Variants in CAT observed in about 807,000 individuals in gnomAD.
The protein encoded by CAT is catalase.
A neutral mutation model predicts 59.0 loss-of-function variants in CAT; 43 were observed. That is an observed-to-expected ratio of 0.73 (90% CI 0.57 to 0.94). CAT has a LOEUF of 0.94. Ranked by LOEUF, CAT falls within the 40% of genes least tolerant of loss-of-function variation. CAT has a pLI of 0.00. For synonymous variants in CAT, 218 were observed against 230.9 expected (o/e 0.94, Z 0.51); for missense variants, 664 against 682.9 (o/e 0.97, Z 0.31).
chr11:34,456,820 G>A lies in CAT; in HGVS notation c.1056+3G>A, dbSNP rs762979529. 12 of 1,614,132 alleles carry A rather than the reference G, an allele frequency of 7.4e-6. No homozygotes were observed. The African/African-American group carries it at 1.3e-4, about 18-fold the overall frequency. On this transcript the variant is annotated splice_donor_region_variant and intron_variant, in intron 8 of 12. Coordinates refer to ENST00000241052, the MANE Select transcript of CAT (RefSeq NM_001752.4). Reference sequence around the variant, plus strand: ...CCAGTCCTGACAAAATGCTTCAGGTGAGCCTGGTGGATTGAGATGTTCTGA... The same window carrying A: ...CCAGTCCTGACAAAATGCTTCAGGTAAGCCTGGTGGATTGAGATGTTCTGA...
Position 34,462,934 on chromosome 11 carries a change from T to A in CAT, c.1196-1171T>A, listed in dbSNP as rs140232152. ...GCTGGTTTTTGGAGCATTTTGCTTT[T>A]CATGTAGATGTGACTGATCTGTTGA... On this transcript the variant is annotated intron_variant, in intron 9 of 12. Transcript: ENST00000241052. Among the ~76,000 whole-genome samples, 402 of 152,326 alleles carry A rather than the reference T, an allele frequency of 2.6e-3. 3 individuals are homozygous for A. The highest frequency in any genetic ancestry group is 5.3e-3 in the Admixed American group (81 of 15,308).
In CAT at chr11:34,453,801, G is replaced by A; in HGVS notation, c.586G>A (p.Val196Ile). 6.2e-7 allele frequency: 1 copy of A among 1,612,818 alleles called. No homozygotes were observed. Among genetic ancestry groups the A allele is most frequent in the Non-Finnish European group, 8.5e-7 (1 of 1,178,918 alleles). The part of the protein sequence containing the change: ...WSLRPESLHQ[V>I]SFLFSDRGIP... ...TAGGCTTTATATTTCTGTTCTTTAG[G>A]TTTCTTTCTTGTTCAGTGATCGGGG... Residue 196 changes from valine (V) to isoleucine (I), a missense_variant and splice_region_variant, in exon 6 of 13, where the codon GTT becomes ATT. Physicochemically the swap from Val to Ile is conservative, Grantham distance 29 (BLOSUM62 3). Transcript: ENST00000241052.
intron 10 of CAT, among the ~76,000 whole-genome samples, chr11:34,465,798 G>A (rs185509614): frequency 1.3e-5 from 2 of 152,240 alleles, no homozygotes; most frequent in East Asian, 1.9e-4. Context: ...CTTACTTACC[G>A]TTTCATGGAG....
intron 9 of CAT, among the ~76,000 whole-genome samples, chr11:34,463,626 A>G (rs1856678653): frequency 1.3e-5 from 2 of 152,216 alleles, no homozygotes; most frequent in Admixed American, 6.5e-5. Flanking sequence ...GTGTCTGTAG[A>G]TTCAAGGAGC....
chr11:34,440,279 T>TCTC (rs2133175223), intron 1 of CAT, among the ~76,000 whole-genome samples: 1 of 152,294 alleles, frequency 6.6e-6, no homozygotes, highest in South Asian at 2.1e-4. Flanking sequence ...GCCTGGAAAA[T>TCTC]CTCCCCTCTT....
chr11:34,439,067 G>A lies in CAT; in HGVS notation c.54G>A (p.Gln18=), dbSNP rs1167720639. The A allele has an allele frequency of 5.0e-6, 8 of 1,592,512 alleles. No homozygotes were observed. Among genetic ancestry groups the A allele is most frequent in the Non-Finnish European group, 6.0e-6 (7 of 1,169,662 alleles). ...ACCAGATGCAGCACTGGAAGGAGCA[G>A]CGGGCCGCGCAGGTACACTCTGTGC... ...ASDQMQHWKE[Q]RAAQKADVLT... is the part of the protein sequence containing the mutation. The change falls in exon 1 of 13, where the codon CAG becomes CAA. Residue 18 remains glutamine (Q), a synonymous_variant. Coordinates refer to ENST00000241052, the MANE Select transcript of CAT (RefSeq NM_001752.4).
At position 34,453,816 on chromosome 11, in the gene CAT, A is replaced by G. The variant is rs755836244; in HGVS notation, c.601A>G (p.Ser201Gly). The G allele has an allele frequency of 1.2e-6, 2 of 1,613,386 alleles. No individual in the cohort carries two copies. Among genetic ancestry groups the G allele is most frequent in the Non-Finnish European group, 8.5e-7 (1 of 1,179,424 alleles). ...ESLHQVSFLF[S>G]DRGIPDGHRH... ...TGTTCTTTAGGTTTCTTTCTTGTTCAGTGATCGGGGGATTCCAGATGGACA... is the reference window on the plus strand; with the variant it reads ...TGTTCTTTAGGTTTCTTTCTTGTTCGGTGATCGGGGGATTCCAGATGGACA... The change falls in exon 6 of 13, where the codon AGT becomes GGT. Residue 201 changes from serine to glycine, a missense_variant. Physicochemically the swap from Ser to Gly is moderately conservative, Grantham distance 56. Transcript: ENST00000241052.
chr11:34,456,928 T>C, intron 8 of CAT, 111 bp downstream of exon 8: 1 of 1,157,674 alleles, frequency 8.6e-7, no homozygotes, highest in South Asian at 1.3e-5. Flanking sequence ...GAACATTACT[T>C]AAACTTTAAT....
At chr11:34,459,166 G>A (rs1056537953) in intron 8 of CAT, among the ~76,000 whole-genome samples, 1 of 152,166 alleles carries the variant, frequency 6.6e-6, no homozygotes, top group African/African-American at 2.4e-5. Flanking sequence ...GTTGGGGAAG[G>A]ACTGTTGTAC....
intron 1 of CAT, among the ~76,000 whole-genome samples, chr11:34,448,423 C>T (rs1378197081): frequency 1.3e-5 from 2 of 152,202 alleles, no homozygotes; most frequent in Non-Finnish European, 2.9e-5. Flanking sequence ...CTAGATGAAG[C>T]TATGAGCTTC....
intron 10 of CAT, among the ~76,000 whole-genome samples, chr11:34,464,699 C>T (rs1304192640): frequency 6.6e-6 from 1 of 151,870 alleles, no homozygotes; most frequent in Non-Finnish European, 1.5e-5. Context: ...CATCTGTCTG[C>T]TTCTGCTTGC....
intron 1 of CAT, among the ~76,000 whole-genome samples, chr11:34,441,912 T>C (rs557716417): frequency 1.3e-5 from 2 of 152,324 alleles, no homozygotes; most frequent in African/African-American, 4.8e-5. Flanking sequence ...ATAAGGTAAG[T>C]GAATGTGTTA....
chr11:34,468,607 T>G (rs963965056), intron 11 of CAT: 1 of 605,938 alleles, frequency 1.7e-6, no homozygotes, highest in African/African-American at 1.9e-5. Flanking sequence ...CTTAGCTGTT[T>G]GTCCAGTGTG....
chr11:34,452,085 T>A lies in CAT; in HGVS notation c.358T>A (p.Ser120Thr). ...CCATTTGAATATTGTAGCTGGAGAA[T>A]CGGGTTCAGCTGACACAGTTCGGGA... ...AVRFSTVAGESGSADTVRDPR... is the reference protein window; with the variant it reads ...AVRFSTVAGETGSADTVRDPR... Residue 120 changes from serine to threonine, a missense_variant, in exon 4 of 13, where the codon TCG (serine) becomes ACG (threonine). Physicochemically the swap from Ser to Thr is moderately conservative, Grantham distance 58 (BLOSUM62 1). Transcript: ENST00000241052. 1 of 1,613,926 alleles carries A rather than the reference T, an allele frequency of 6.2e-7. No individual in the cohort carries two copies. The highest frequency in any genetic ancestry group is 8.5e-7 in the Non-Finnish European group (1 of 1,179,834).
Position 34,471,409 on chromosome 11 carries a change from G to A in CAT, c.1560G>A (p.Ala520=), listed in dbSNP as rs35677492. 2.6e-4 allele frequency: 414 copies of A among 1,613,812 alleles called. 2 individuals are homozygous for A. The highest frequency in any genetic ancestry group is 5.7e-4 in the Admixed American group (34 of 59,996). ...TTGTGCAGTCCGGATCTCACTTGGC[G>A]GCAAGGGAGAAGGCAAATCTGTGAG... ...HTFVQSGSHL[A]AREKANL Residue 520 remains alanine (A), a synonymous_variant, in exon 13 of 13, where the codon GCG becomes GCA. Coordinates refer to ENST00000241052, the MANE Select transcript of CAT (RefSeq NM_001752.4).
At chr11:34,459,469 T>G (rs908583967) in intron 8 of CAT, among the ~76,000 whole-genome samples, 1 of 152,234 alleles carries the variant, frequency 6.6e-6, no homozygotes, top group Non-Finnish European at 1.5e-5. Flanking sequence ...ATACAAGTCA[T>G]AGAGAGACTG....
intron 8 of CAT, among the ~76,000 whole-genome samples, chr11:34,459,675 C>G (rs1415218884): frequency 6.6e-6 from 1 of 152,200 alleles, no homozygotes; most frequent in Non-Finnish European, 1.5e-5. Flanking sequence ...GGTATGGCCT[C>G]ACTGTGCCCA....
At chr11:34,456,242 C>A in intron 7 of CAT, 40 bp downstream of exon 7, 1 of 1,467,330 alleles carries the variant, frequency 6.8e-7, no homozygotes, top group African/African-American at 1.4e-5. Flanking sequence ...TTTTTTAAGT[C>A]TCTTCTTACC....
chr11:34,465,475 C>T (rs952136709), intron 10 of CAT, among the ~76,000 whole-genome samples: 1 of 152,064 alleles, frequency 6.6e-6, no homozygotes, highest in Admixed American at 6.6e-5. Flanking sequence ...CAGTACATTC[C>T]CTGCCTCTCA....
Sources: allele counts gnomAD v4.1 joint callset (sites outside exome capture counted in the v4.1 genomes callset), GRCh38; gene constraint gnomAD v4.1.1; transcripts MANE v1.5; gene names NCBI Gene and HGNC (gene_info 2026-07-23, HGNC 2026-07-21).